RASSF4: variants seen among roughly 807,000 people sequenced by gnomAD.
RASSF4 encodes the protein ras association domain-containing protein 4.
Under a neutral mutation model 41.1 loss-of-function variants are expected in RASSF4, and 38 were observed. That is an observed-to-expected ratio of 0.92 (90% CI 0.71 to 1.21). RASSF4 has a LOEUF of 1.21. Ranked by LOEUF, RASSF4 falls within the 50% of genes most tolerant of loss-of-function variation. RASSF4 has a pLI of 0.00. For synonymous variants in RASSF4, 179 were observed against 163.4 expected, an observed-to-expected ratio of 1.10 and a Z score of -0.73; for missense variants, 414 against 419.4, an observed-to-expected ratio of 0.99 and a Z score of 0.11.
At chr10:44,965,578 C>G (rs917261228) in intron 1 of RASSF4, among the ~76,000 whole-genome samples, 8 of 152,242 alleles carry the variant, frequency 5.3e-5, no homozygotes, top group African/African-American at 1.7e-4. Context: ...ATGTGTGCCT[C>G]TCTCAAAGGA....
intron 6 of RASSF4, 30 bp downstream of exon 6, chr10:44,985,000 G>A (rs1294000188): frequency 2.5e-6 from 4 of 1,595,224 alleles, no homozygotes; most frequent in African/African-American, 1.3e-5. Flanking sequence ...TCTCCCCTGG[G>A]CGCATGGGGA....
intron 1 of RASSF4, among the ~76,000 whole-genome samples, chr10:44,964,439 G>A (rs1840825297): frequency 6.6e-6 from 1 of 152,222 alleles, no homozygotes; most frequent in African/African-American, 2.4e-5. Context: ...CGGCTTGGAG[G>A]AGGGGAGAGC....
At position 44,993,524 on chromosome 10, in the gene RASSF4, A is replaced by G. The variant is rs1842198493; in HGVS notation, c.*195A>G. On this transcript the variant is annotated 3_prime_UTR_variant, in exon 11 of 11. Coordinates refer to ENST00000340258, the MANE Select transcript of RASSF4 (RefSeq NM_032023.4). The stretch of plus-strand genomic sequence containing the variant: ...TGGCTCCAAGATGAGCACCCACAGG[A>G]AGCCGACCCAGGCCTGAGGGGCCAG... 3 of 596,508 alleles carry G rather than the reference A, an allele frequency of 5.0e-6. No individual in the cohort carries two copies. The African/African-American group carries it at 5.6e-5, about 11-fold the overall frequency. The allele number at this position is 596,508 out of a possible 1,614,324, so 37.0% of individuals were successfully genotyped here. A position where few individuals can be genotyped will look rare whatever the true frequency, so the allele number is the denominator to read the frequency against.
chr10:44,992,761 A>G (rs781263411), intron 10 of RASSF4, among the ~76,000 whole-genome samples: 11 of 152,176 alleles, frequency 7.2e-5, no homozygotes. Flanking sequence ...CACATCCTCC[A>G]CAGGCTCCTG....
intron 6 of RASSF4, among the ~76,000 whole-genome samples, chr10:44,986,872 T>G (rs1445238681): frequency 6.6e-6 from 1 of 152,256 alleles, no homozygotes; most frequent in Non-Finnish European, 1.5e-5. Context: ...GTTGGTTTTA[T>G]TTCCAGACAG....
At chr10:44,983,819 C>T (rs1164862366) in intron 4 of RASSF4, 4 of 831,092 alleles carry the variant, frequency 4.8e-6, no homozygotes, top group Non-Finnish European at 7.2e-6. Context: ...GGCTCACTCT[C>T]CGTCCAGCAG....
intron 1 of RASSF4, among the ~76,000 whole-genome samples, chr10:44,964,005 G>A (rs1039574654): frequency 7.9e-5 from 12 of 152,348 alleles, no homozygotes; most frequent in African/African-American, 2.9e-4. Context: ...CCACTGGCCT[G>A]TAGGAATTGG....
chr10:44,991,119 T>G, intron 9 of RASSF4, 50 bp downstream of exon 9: 2 of 1,556,392 alleles, frequency 1.3e-6, no homozygotes, highest in South Asian at 2.3e-5. Flanking sequence ...GAGGGGTTCT[T>G]GGGTGACGGG....
At position 44,991,776 on chromosome 10, in the gene RASSF4, G is replaced by T. The variant is rs946374068; in HGVS notation, c.808-129G>T. On this transcript the variant is annotated intron_variant, in intron 9 of 10. Coordinates refer to ENST00000340258, the MANE Select transcript of RASSF4 (RefSeq NM_032023.4). ...ACACAGCAGTGTGGGGGTGGGGTGG[G>T]AAAAGCGGCAGCTCCTTCTGTGGAT... 7 of 639,574 alleles carry T rather than the reference G, an allele frequency of 1.1e-5. 1 individual carries two copies. Among genetic ancestry groups the T allele is most frequent in the African/African-American group, 9.1e-5 (5 of 55,100 alleles). 39.6% of individuals were successfully genotyped at this position (639,574 alleles called of 1,614,324 possible).
intron 3 of RASSF4, chr10:44,977,823 C>A: frequency 1.2e-6 from 2 of 1,604,744 alleles, no homozygotes; most frequent in Non-Finnish European, 1.7e-6. Flanking sequence ...CAGGCCTGGG[C>A]TGGCCTGTGG....
rs149139243 is a variant in RASSF4, at chr10:44,977,783, C to T, written c.139-4738C>T. The T allele has an allele frequency of 4.9e-5, 78 of 1,601,166 alleles. No homozygotes were observed. Among genetic ancestry groups the T allele is most frequent in the Middle Eastern group, 1.7e-4 (1 of 6,014 alleles). On this transcript the variant is annotated intron_variant, in intron 3 of 10. Coordinates refer to ENST00000340258, the MANE Select transcript of RASSF4 (RefSeq NM_032023.4). ...GCCACTGAAACGTGCGGTGATGTCTCGCAGGGACACAGCAGGGCGGCCCTT... is the reference window on the plus strand; with the variant it reads ...GCCACTGAAACGTGCGGTGATGTCTTGCAGGGACACAGCAGGGCGGCCCTT...
In RASSF4 at chr10:44,993,749, C is replaced by T. The variant is rs1842204765; in HGVS notation, c.*420C>T. Reference sequence around the variant, plus strand: ...TGTCTGCCCTCATATCACGCTGCCCCACAGGAATGCTGCTGGGAAAAGCAG... The same window carrying T: ...TGTCTGCCCTCATATCACGCTGCCCTACAGGAATGCTGCTGGGAAAAGCAG... On this transcript the variant is annotated 3_prime_UTR_variant, in exon 11 of 11. Coordinates refer to ENST00000340258, the MANE Select transcript of RASSF4 (RefSeq NM_032023.4). 1 of 168,374 alleles carries T rather than the reference C, an allele frequency of 5.9e-6. No individual in the cohort carries two copies. The highest frequency in any genetic ancestry group is 2.4e-5 in the African/African-American group (1 of 42,502). The allele number at this position is 168,374 out of a possible 1,614,324, so 10.4% of individuals were successfully genotyped here. A position where few individuals can be genotyped will look rare whatever the true frequency, so the allele number is the denominator to read the frequency against.
chr10:44,982,279 G>A (rs1841740527), intron 3 of RASSF4: 2 of 553,052 alleles, frequency 3.6e-6, no homozygotes, highest in Admixed American at 7.5e-5. Context: ...ACCTGACTCA[G>A]CCACTGTGTT....
rs1842195439 is a variant in RASSF4 at position 44,993,414 on chromosome 10, G to C, written c.*85G>C. ...GTTGCTGGCCCCGGCCGGTCACATT[G>C]ACTGATGGCCACCGCCTGACGAATC... On this transcript the variant is annotated 3_prime_UTR_variant, in exon 11 of 11. Transcript: ENST00000340258. 9.4e-7 allele frequency: 1 copy of C among 1,058,440 alleles called. No individual in the cohort carries two copies. The highest frequency in any genetic ancestry group is 1.4e-6 in the Non-Finnish European group (1 of 714,342). 65.6% of individuals were successfully genotyped at this position (1,058,440 alleles called of 1,614,324 possible).
At chr10:44,967,286 C>T (rs1040191214) in intron 1 of RASSF4, among the ~76,000 whole-genome samples, 3 of 152,212 alleles carry the variant, frequency 2.0e-5, no homozygotes, top group African/African-American at 4.8e-5. Context: ...TGCACTGGCT[C>T]TTAAAGCTGC....
intron 3 of RASSF4, among the ~76,000 whole-genome samples, chr10:44,975,358 AGCGCTTCCCAGCCTGCCCGCTC>A (rs1379092512): frequency 6.6e-6 from 1 of 151,838 alleles, no homozygotes; most frequent in Non-Finnish European, 1.5e-5. Flanking sequence ...GGAGCCGCAA[AGCGCTTCCCAGCCTGCCCGCTC>A]TGGGCAGTGC....
chr10:44,993,442 G>T lies in RASSF4; in HGVS notation c.*113G>T. The T allele has an allele frequency of 1.3e-6, 1 of 755,212 alleles. No individual in the cohort carries two copies. Among genetic ancestry groups the T allele is most frequent in the Non-Finnish European group, 2.2e-6 (1 of 450,594 alleles). The allele number at this position is 755,212 out of a possible 1,614,324, so 46.8% of individuals were successfully genotyped here. A position where few individuals can be genotyped will look rare whatever the true frequency, so the allele number is the denominator to read the frequency against. On this transcript the variant is annotated 3_prime_UTR_variant, in exon 11 of 11. Transcript: ENST00000340258. ...TGATGGCCACCGCCTGACGAATCGA[G>T]TGCCTGTGTGTCTACCTCTCTGAAG...
At position 44,989,414 on chromosome 10, in the gene RASSF4, G is replaced by A. The variant is rs775632272; in HGVS notation, c.633+39G>A. 34 of 1,418,406 alleles carry A rather than the reference G, an allele frequency of 2.4e-5. No individual in the cohort carries two copies. The Admixed American group carries it at 5.8e-4, about 24-fold the overall frequency. The allele number at this position is 1,418,406 out of a possible 1,614,324, so 87.9% of individuals were successfully genotyped here. A position where few individuals can be genotyped will look rare whatever the true frequency, so the allele number is the denominator to read the frequency against. On this transcript the variant is annotated intron_variant, in intron 7 of 10. Transcript: ENST00000340258. ...GGAGCAGCCTTGCCCCAGGATGCCA[G>A]TGGTCTGCTATTCTGTTGGGGGTGG...
intron 3 of RASSF4, among the ~76,000 whole-genome samples, chr10:44,979,299 G>A (rs1381066745): frequency 6.6e-6 from 1 of 152,176 alleles, no homozygotes; most frequent in Non-Finnish European, 1.5e-5. Flanking sequence ...TCTGACCCTG[G>A]TCTTCTTACA....
Sources: allele counts gnomAD v4.1 joint callset (sites outside exome capture counted in the v4.1 genomes callset), GRCh38; gene constraint gnomAD v4.1.1; transcripts MANE v1.5; gene names NCBI Gene and HGNC (gene_info 2026-07-23, HGNC 2026-07-21).